Variants in DLG2 observed in about 807,000 individuals in gnomAD.
DLG2 encodes disks large homolog 2.
In DLG2, 45 loss-of-function variants were observed where a neutral mutation model predicts 132.5. The observed-to-expected ratio is 0.34, with a 90% confidence interval of 0.27 to 0.44. The LOEUF (loss-of-function observed/expected upper bound fraction) is 0.44. Among genes scored for constraint, DLG2 ranks in the 20% least tolerant of loss-of-function variants. DLG2 has a pLI of 1.00. For synonymous variants in DLG2, 424 were observed against 419.6 expected, an observed-to-expected ratio of 1.01 and a Z score of -0.13; for missense variants, 1,045 against 1,196.9, an observed-to-expected ratio of 0.87 and a Z score of 1.87.
At chr11:84,260,671 C>T (rs943095870) in intron 7 of DLG2, among the ~76,000 whole-genome samples, 7 of 152,112 alleles carry the variant, frequency 4.6e-5, no homozygotes, top group South Asian at 2.1e-4. Flanking sequence ...GAAGGATTGA[C>T]GGAACTTTCT....
intron 7 of DLG2, among the ~76,000 whole-genome samples, chr11:84,346,658 A>G (rs1029644658): frequency 1.3e-5 from 2 of 152,162 alleles, no homozygotes; most frequent in African/African-American, 2.4e-5. Flanking sequence ...GCTCCCTGCA[A>G]CCTTCGCCTC....
At chr11:84,256,941 A>G (rs955460340) in intron 7 of DLG2, among the ~76,000 whole-genome samples, 5 of 152,156 alleles carry the variant, frequency 3.3e-5, no homozygotes, top group Admixed American at 1.3e-4. Flanking sequence ...TTGCTTCACA[A>G]TTCACACAGA....
chr11:85,568,327 T>C (rs546937075), intron 3 of DLG2, among the ~76,000 whole-genome samples: 94 of 152,260 alleles, frequency 6.2e-4, no homozygotes, highest in African/African-American at 2.2e-3. Context: ...TAGATTTTGT[T>C]TGCTAACATT....
At chr11:84,974,281 C>T (rs1029807163) in intron 6 of DLG2, among the ~76,000 whole-genome samples, 56 of 152,156 alleles carry the variant, frequency 3.7e-4, no homozygotes, top group African/African-American at 1.3e-3. Context: ...GGTGAAATTG[C>T]TTCTTTGCCA....
chr11:84,679,333 A>AT (rs2099723012), intron 6 of DLG2, among the ~76,000 whole-genome samples: 1 of 152,002 alleles, frequency 6.6e-6, no homozygotes, highest in African/African-American at 2.4e-5. Context: ...ATATATAGAG[A>AT]TTTTCAGGAA....
At chr11:83,598,708 TAA>T (rs1260632865) in intron 19 of DLG2, among the ~76,000 whole-genome samples, 2 of 152,256 alleles carry the variant, frequency 1.3e-5, no homozygotes, top group African/African-American at 4.8e-5. Context: ...AGTCATATAT[TAA>T]ATGTAAATGA....
At chr11:84,536,362 C>G (rs540778588) in intron 6 of DLG2, among the ~76,000 whole-genome samples, 45 of 152,164 alleles carry the variant, frequency 3.0e-4, no homozygotes, top group African/African-American at 1.0e-3. Context: ...CTCTCCTCTA[C>G]CCCATAAAGA....
In DLG2 at chr11:84,817,442, C is replaced by T. The variant is rs79482661; in HGVS notation, c.358-282711G>A. On this transcript the variant is annotated intron_variant, in intron 6 of 27. Transcript: ENST00000376104. Reference sequence around the variant, plus strand: ...GTTGTTTTTCAATCCAGGAAGAGCTCTAGATGTGCCCAGCATGAAAGAAAA... The same window carrying T: ...GTTGTTTTTCAATCCAGGAAGAGCTTTAGATGTGCCCAGCATGAAAGAAAA... Among the ~76,000 whole-genome samples the T allele has an allele frequency of 2.1e-3, 322 of 151,954 alleles. 1 individual carries two copies. Among genetic ancestry groups the T allele is most frequent in the Middle Eastern group, 6.8e-3 (2 of 294 alleles).
intron 6 of DLG2, among the ~76,000 whole-genome samples, chr11:84,710,689 C>T (rs2060281602): frequency 6.6e-6 from 1 of 151,590 alleles, no homozygotes; most frequent in Non-Finnish European, 1.5e-5. Flanking sequence ...TTTTAGTGTG[C>T]TCATTCATCA....
chr11:85,231,635 C>T (rs1053213120), intron 4 of DLG2, among the ~76,000 whole-genome samples: 2 of 151,922 alleles, frequency 1.3e-5, no homozygotes, highest in Admixed American at 1.3e-4. Context: ...TTGTTGACAT[C>T]ATCAGAGTGA....
intron 6 of DLG2, among the ~76,000 whole-genome samples, chr11:84,642,351 CTA>C (rs2099668429): frequency 6.6e-6 from 1 of 151,822 alleles, no homozygotes; most frequent in Non-Finnish European, 1.5e-5. Flanking sequence ...AAAGCTTTTC[CTA>C]CCTAAATTGC....
chr11:83,694,520 A>T (rs1011025880), intron 18 of DLG2, among the ~76,000 whole-genome samples: 5 of 152,204 alleles, frequency 3.3e-5, no homozygotes, highest in Admixed American at 3.3e-4. Context: ...CTTCTTGCTG[A>T]AAATAGCTTC....
At chr11:83,930,524 A>G (rs781663883) in intron 14 of DLG2, 41 bp from the exon 15 acceptor site, 1 of 1,585,052 alleles carries the variant, frequency 6.3e-7, no homozygotes. Flanking sequence ...CATGGTTAGT[A>G]CATACAAGGA....
At chr11:84,819,160 A>C (rs1413149704) in intron 6 of DLG2, among the ~76,000 whole-genome samples, 7 of 151,346 alleles carry the variant, frequency 4.6e-5, no homozygotes, top group African/African-American at 1.5e-4. Flanking sequence ...GAACAGAAGA[A>C]AGCCTCTAAA....
chr11:85,395,212 T>C (rs1321753418), intron 3 of DLG2, among the ~76,000 whole-genome samples: 1 of 152,138 alleles, frequency 6.6e-6, no homozygotes, highest in Non-Finnish European at 1.5e-5. Context: ...AAGATCAGAA[T>C]GTTAGGATAT....
chr11:85,200,044 T>C (rs1421500086), intron 4 of DLG2, among the ~76,000 whole-genome samples: 1 of 151,964 alleles, frequency 6.6e-6, no homozygotes, highest in Non-Finnish European at 1.5e-5. Flanking sequence ...ACAAGAATTC[T>C]GTACTCACCC....
At chr11:84,517,787 G>T (rs1256773190) in intron 7 of DLG2, among the ~76,000 whole-genome samples, 1 of 151,878 alleles carries the variant, frequency 6.6e-6, no homozygotes, top group East Asian at 1.9e-4. Flanking sequence ...AGAAAATGTG[G>T]TATATGTACA....
intron 6 of DLG2, among the ~76,000 whole-genome samples, chr11:84,822,961 T>C (rs896844143): frequency 2.0e-5 from 3 of 151,930 alleles, no homozygotes; most frequent in African/African-American, 7.2e-5. Flanking sequence ...TATTTAAAAG[T>C]AGTTTTGATA....
At chr11:85,028,062 C>T (rs1473007308) in intron 6 of DLG2, among the ~76,000 whole-genome samples, 2 of 152,234 alleles carry the variant, frequency 1.3e-5, no homozygotes, top group African/African-American at 4.8e-5. Flanking sequence ...GCAGAAGAGC[C>T]GAAGTGGGTA....
Sources: gnomAD v4.1 joint callset for allele counts (sites outside exome capture counted in the v4.1 genomes callset) on GRCh38, gnomAD v4.1.1 for gene constraint, MANE v1.5 for transcripts, NCBI Gene and HGNC (gene_info 2026-07-23, HGNC 2026-07-21) for gene names.